Variants in DSE observed in about 807,000 individuals in gnomAD.
The protein encoded by DSE is dermatan sulfate epimerase, also known as dermatan-sulfate epimerase.
Under a neutral mutation model 84.4 loss-of-function variants are expected in DSE, and 36 were observed. The observed-to-expected ratio is 0.43, with a 90% CI of 0.33 to 0.56. The LOEUF (loss-of-function observed/expected upper bound fraction) is 0.56, where lower values mean the gene tolerates loss of function less well. DSE is among the 20% of genes least tolerant of loss of function. The pLI is 0.06. For missense variants in DSE, 862 were observed against 1,169.6 expected (o/e 0.74, Z 3.84); for synonymous variants, 410 against 430.1 (o/e 0.95, Z 0.58).
chr6:116,305,878 G>A (rs1775314244), intron 2 of DSE, among the ~76,000 whole-genome samples: 2 of 152,002 alleles, frequency 1.3e-5, no homozygotes, highest in South Asian at 4.1e-4. Flanking sequence ...CTGACCTCAG[G>A]TGATCCACCC....
At chr6:116,376,273 A>G (rs902180339) in intron 1 of DSE, among the ~76,000 whole-genome samples, 1 of 152,148 alleles carries the variant, frequency 6.6e-6, no homozygotes, top group African/African-American at 2.4e-5. Context: ...CCCTGGGCCG[A>G]TTGCTCAGTT....
Position 116,429,615 on chromosome 6 carries a change from G to C in DSE, c.671-1339G>C, listed in dbSNP as rs1396957063. Reference sequence around the variant, plus strand: ...TTGGGTTGTTAAAAGGATTAACTAAGATTCTGTTCAGTGCTGTGTAAGTTA... The same window carrying C: ...TTGGGTTGTTAAAAGGATTAACTAACATTCTGTTCAGTGCTGTGTAAGTTA... On this transcript the variant is annotated intron_variant, in intron 3 of 5. Coordinates refer to ENST00000644252, the MANE Select transcript of DSE (RefSeq NM_013352.4). 3.3e-5 allele frequency among the ~76,000 whole-genome samples: 5 copies of C among 152,330 alleles called. No homozygotes were observed. The East Asian group carries it at 9.6e-4, about 29-fold the overall frequency.
chr6:116,425,037 G>T (rs967892069), intron 2 of DSE, among the ~76,000 whole-genome samples: 1 of 152,080 alleles, frequency 6.6e-6, no homozygotes, highest in African/African-American at 2.4e-5. Context: ...TTACAGGTAG[G>T]TATCACAGAT....
At chr6:116,425,864 C>T (rs1007611197) in intron 2 of DSE, among the ~76,000 whole-genome samples, 8 of 152,184 alleles carry the variant, frequency 5.3e-5, no homozygotes, top group African/African-American at 9.6e-5. Flanking sequence ...CCTCGTGATC[C>T]GCCCGTCTCG....
In DSE at chr6:116,338,914, G is replaced by A. The variant is rs1777425173; in HGVS notation, c.-53-60284G>A. Among the ~76,000 whole-genome samples the A allele has an allele frequency of 2.0e-5, 3 of 152,152 alleles. No individual in the cohort carries two copies. The South Asian group carries it at 6.2e-4, about 32-fold the overall frequency. ...CAGACATTTTTGCCCAGGTCCATGTGGAACTACAAGTTCCTCTATGCCTCC... is the reference window on the plus strand; with the variant it reads ...CAGACATTTTTGCCCAGGTCCATGTAGAACTACAAGTTCCTCTATGCCTCC... On this transcript the variant is annotated intron_variant, in intron 2 of 3. Transcript: ENST00000430252.
chr6:116,370,204 C>G (rs1779432686), upstream of DSE: 1 of 281,122 alleles, frequency 3.6e-6, no homozygotes, highest in African/African-American at 2.2e-5. Flanking sequence ...CTCTCACACA[C>G]ACACACCCCC....
intron 2 of DSE, among the ~76,000 whole-genome samples, chr6:116,346,076 T>C (rs561151948): frequency 2.0e-5 from 3 of 152,230 alleles, no homozygotes; most frequent in Non-Finnish European, 4.4e-5. Flanking sequence ...TAGGAAGAAG[T>C]TGAATCCCTG....
chr6:116,369,047 T>C (rs2114905711), upstream of DSE, among the ~76,000 whole-genome samples: 1 of 152,200 alleles, frequency 6.6e-6, no homozygotes, highest in East Asian at 1.9e-4. Flanking sequence ...CAAATGACAG[T>C]CAGTACTACC....
At chr6:116,292,349 G>T (rs898441904) in intron 2 of DSE, among the ~76,000 whole-genome samples, 1 of 152,150 alleles carries the variant, frequency 6.6e-6, no homozygotes, top group Non-Finnish European at 1.5e-5. Flanking sequence ...AAGGGATGCA[G>T]CCATATTGAG....
At chr6:116,325,092 C>G (rs897739949) in intron 2 of DSE, among the ~76,000 whole-genome samples, 5 of 148,398 alleles carry the variant, frequency 3.4e-5, no homozygotes, top group Non-Finnish European at 6.1e-5. Flanking sequence ...AAGGCTGGAA[C>G]CAGGTGGCTG....
At position 116,279,629 on chromosome 6, in the gene DSE, C is replaced by G. The variant is rs769591567; in HGVS notation, c.-54+20662C>G. 1 of 1,604,182 alleles carries G rather than the reference C, an allele frequency of 6.2e-7. No homozygotes were observed. Among genetic ancestry groups the G allele is most frequent in the East Asian group, 2.2e-5 (1 of 44,872 alleles). ...CCCGCGGCATCCTGGGGTACGCCCC[C>G]CTCCTCTGAAGGCGGTGGAGGCGGG... On this transcript the variant is annotated intron_variant, in intron 2 of 3. Coordinates refer to the DSE transcript ENST00000430252.
intron 2 of DSE, among the ~76,000 whole-genome samples, chr6:116,414,330 C>T (rs751657691): frequency 1.3e-5 from 2 of 152,136 alleles, no homozygotes; most frequent in Admixed American, 6.5e-5. Flanking sequence ...CTCACTCTGA[C>T]ACAGATAAGT....
intron 2 of DSE, among the ~76,000 whole-genome samples, chr6:116,423,758 T>G (rs1783247210): frequency 6.6e-6 from 1 of 152,244 alleles, no homozygotes; most frequent in Non-Finnish European, 1.5e-5. Flanking sequence ...TATTTCACTT[T>G]GTATCTAAGG....
At chr6:116,281,869 G>T (rs570275024) in intron 2 of DSE, among the ~76,000 whole-genome samples, 1 of 152,360 alleles carries the variant, frequency 6.6e-6, no homozygotes, top group South Asian at 2.1e-4. Context: ...TGGCAAACCA[G>T]AGGGCTGCTC....
chr6:116,286,177 T>C (rs1386147946), intron 2 of DSE, among the ~76,000 whole-genome samples: 3 of 152,232 alleles, frequency 2.0e-5, no homozygotes, highest in Admixed American at 6.5e-5. Flanking sequence ...TCCATTTGTT[T>C]GTGTCCTCTT....
chr6:116,261,430 G>A (rs776156543), intron 2 of DSE, among the ~76,000 whole-genome samples: 3 of 152,060 alleles, frequency 2.0e-5, no homozygotes, highest in Middle Eastern at 3.2e-3. Context: ...ACTGTTTTTG[G>A]TGTGTAGGAA....
At chr6:116,312,323 A>C (rs932215203) in intron 2 of DSE, among the ~76,000 whole-genome samples, 8 of 152,394 alleles carry the variant, frequency 5.2e-5, no homozygotes, top group African/African-American at 1.9e-4. Flanking sequence ...AGCCAGTTAA[A>C]TAATTCAGAC....
chr6:116,329,616 G>A (rs1046410697), intron 2 of DSE, among the ~76,000 whole-genome samples: 36 of 152,068 alleles, frequency 2.4e-4, no homozygotes, highest in Non-Finnish European at 2.9e-4. Flanking sequence ...GTTATTTCAC[G>A]TGAAACTTTT....
chr6:116,333,652 T>A (rs565041157), intron 2 of DSE, among the ~76,000 whole-genome samples: 2 of 152,302 alleles, frequency 1.3e-5, no homozygotes, highest in Admixed American at 6.5e-5. Context: ...AGATTTTTAA[T>A]AAATCCATGA....
Sources: gnomAD v4.1 joint callset for allele counts (sites outside exome capture counted in the v4.1 genomes callset) on GRCh38, gnomAD v4.1.1 for gene constraint, MANE v1.5 for transcripts, NCBI Gene and HGNC (gene_info 2026-07-23, HGNC 2026-07-21) for gene names.